FRMD4A: variants seen among roughly 807,000 people sequenced by gnomAD.
The protein encoded by FRMD4A is FERM domain-containing protein 4A.
In FRMD4A, 29 loss-of-function variants were observed where a neutral mutation model predicts 129.1. The ratio of observed to expected loss-of-function variants is 0.22; its 90% CI spans 0.17 to 0.31. The LOEUF is 0.31. Among genes scored for constraint, FRMD4A ranks in the 10% least tolerant of loss-of-function variants. The pLI is 1.00. For synonymous variants in FRMD4A, 634 were observed against 571.6 expected (o/e 1.11, Z -1.56); for missense variants, 1,272 against 1,375.8 (o/e 0.92, Z 1.19).
At chr10:13,926,807 A>G (rs983117048) in intron 2 of FRMD4A, among the ~76,000 whole-genome samples, 1 of 152,232 alleles carries the variant, frequency 6.6e-6, no homozygotes, top group Non-Finnish European at 1.5e-5. Context: ...AAAGACCCAC[A>G]TACTTTTAGA....
intron 2 of FRMD4A, chr10:13,890,346 A>G (rs537085879): frequency 4.1e-4 from 66 of 161,188 alleles, no homozygotes; most frequent in Middle Eastern, 3.2e-3. Flanking sequence ...GGGACAGGTT[A>G]CTGTATCCAG....
chr10:13,758,091 A>G (rs2091934641), intron 8 of FRMD4A, among the ~76,000 whole-genome samples: 1 of 152,224 alleles, frequency 6.6e-6, no homozygotes, highest in African/African-American at 2.4e-5. Flanking sequence ...TTGTACCTCA[A>G]GGAAACTGCT....
At chr10:13,689,207 G>GGGGGGGGGGGGGGGT (rs1564616369) in intron 15 of FRMD4A, among the ~76,000 whole-genome samples, 3 of 9,398 alleles carry the variant, frequency 3.2e-4, no homozygotes, top group Non-Finnish European at 5.7e-4. Context: ...GCGGGGGGGG[G>GGGGGGGGGGGGGGGT]GGGGGGGGGG....
At chr10:13,970,712 T>G (rs1395389624) in intron 2 of FRMD4A, among the ~76,000 whole-genome samples, 1 of 151,892 alleles carries the variant, frequency 6.6e-6, no homozygotes, top group African/African-American at 2.4e-5. Flanking sequence ...CGCCCCCCAC[T>G]CCCCACGCAA....
intron 2 of FRMD4A, among the ~76,000 whole-genome samples, chr10:14,049,315 T>C (rs1309006553): frequency 1.3e-5 from 2 of 152,078 alleles, no homozygotes; most frequent in Non-Finnish European, 2.9e-5. Context: ...TGTAAGTAAT[T>C]AATGGTGAGG....
chr10:13,891,821 C>G (rs1041723647), intron 2 of FRMD4A: 1 of 805,608 alleles, frequency 1.2e-6, no homozygotes. Flanking sequence ...ATAGCCCGCT[C>G]GCGCCTCTCG....
intron 2 of FRMD4A, among the ~76,000 whole-genome samples, chr10:14,052,236 C>T (rs1457871652): frequency 6.6e-6 from 1 of 152,132 alleles, no homozygotes; most frequent in Admixed American, 6.5e-5. Context: ...GACTTTCAGC[C>T]TCCAGAACTG....
At chr10:14,286,107 T>G (rs915140055) in intron 2 of FRMD4A, among the ~76,000 whole-genome samples, 1 of 152,254 alleles carries the variant, frequency 6.6e-6, no homozygotes, top group Admixed American at 6.5e-5. Flanking sequence ...TTACTTATTC[T>G]GATTTCCAAA....
intron 3 of FRMD4A, among the ~76,000 whole-genome samples, chr10:13,820,391 G>A (rs1193305579): frequency 6.6e-6 from 1 of 152,172 alleles, no homozygotes; most frequent in Non-Finnish European, 1.5e-5. Context: ...GGCACTCTGG[G>A]CTGGGAAGGC....
At chr10:14,318,321 C>A (rs544953935) in intron 2 of FRMD4A, among the ~76,000 whole-genome samples, 1 of 148,714 alleles carries the variant, frequency 6.7e-6, no homozygotes, top group Non-Finnish European at 1.5e-5. Flanking sequence ...AGCTATATCC[C>A]CCCCCACCTT....
rs1194183025 is a variant in FRMD4A at position 13,844,289 on chromosome 10, C to T, written c.111+14558G>A. 3.3e-5 allele frequency among the ~76,000 whole-genome samples: 5 copies of T among 152,206 alleles called. No homozygotes were observed. The East Asian group carries it at 9.6e-4, about 29-fold the overall frequency. ...AAACCAATGTTTAATGTTAATCTCC[C>T]AAAGGTGAGTGAAAATCGGTGATTT... On this transcript the variant is annotated intron_variant, in intron 3 of 24. Coordinates refer to ENST00000357447, the MANE Select transcript of FRMD4A (RefSeq NM_018027.5).
chr10:13,730,562 T>G lies in FRMD4A; in HGVS notation c.759+7282A>C, dbSNP rs148164691. Among the ~76,000 whole-genome samples, 148 of 152,256 alleles carry G rather than the reference T, an allele frequency of 9.7e-4. 1 individual carries two copies. In the East Asian group the frequency reaches 0.021, roughly 22 times the overall value. On this transcript the variant is annotated intron_variant, in intron 12 of 24. Transcript: ENST00000357447. ...TACCTCCGGTGCCTAAATGCCAACC[T>G]GACACTGTCTCATTGTCTCCTGAGC...
rs550408638 is a variant in FRMD4A, at chr10:14,292,633, A to G, written c.45+37425T>C. On this transcript the variant is annotated intron_variant, in intron 2 of 24. Coordinates refer to ENST00000357447, the MANE Select transcript of FRMD4A (RefSeq NM_018027.5). ...GCTAACATGGTGAAACCCTGTCTCT[A>G]CTAAAAAATACAAAAAATTAGCTGG... Among the ~76,000 whole-genome samples the G allele has an allele frequency of 5.3e-4, 80 of 152,262 alleles. 1 individual carries two copies. The highest frequency in any genetic ancestry group is 1.9e-3 in the African/African-American group (79 of 41,560).
At chr10:13,935,127 C>T (rs1025378140) in intron 2 of FRMD4A, among the ~76,000 whole-genome samples, 1 of 152,084 alleles carries the variant, frequency 6.6e-6, no homozygotes, top group African/African-American at 2.4e-5. Context: ...ATTAGAGCAG[C>T]AGTCCTCATT....
intron 2 of FRMD4A, among the ~76,000 whole-genome samples, chr10:13,914,872 C>T (rs866555973): frequency 2.2e-4 from 34 of 152,000 alleles, no homozygotes; most frequent in African/African-American, 7.7e-4. Context: ...AAAAAATTTG[C>T]GCATGGCAGC....
chr10:14,157,947 A>C (rs1170202194), intron 2 of FRMD4A, among the ~76,000 whole-genome samples: 1 of 152,202 alleles, frequency 6.6e-6, no homozygotes, highest in Non-Finnish European at 1.5e-5. Flanking sequence ...CAGACAAGGA[A>C]AAGGGCAGAA....
intron 2 of FRMD4A, among the ~76,000 whole-genome samples, chr10:14,113,760 A>G (rs1291947854): frequency 6.6e-6 from 1 of 152,136 alleles, no homozygotes; most frequent in African/African-American, 2.4e-5. Context: ...CTATTTGGAA[A>G]TGCATGAGTG....
At chr10:14,142,717 A>G (rs1437464621) in intron 2 of FRMD4A, among the ~76,000 whole-genome samples, 1 of 152,244 alleles carries the variant, frequency 6.6e-6, no homozygotes, top group Non-Finnish European at 1.5e-5. Flanking sequence ...ATAGTATTTC[A>G]ATGGGTAGAA....
intron 2 of FRMD4A, among the ~76,000 whole-genome samples, chr10:14,270,919 T>A (rs189989662): frequency 3.3e-5 from 5 of 152,324 alleles, no homozygotes; most frequent in Non-Finnish European, 1.5e-5. Context: ...CACTTGAGAC[T>A]GGGTAATTTA....
Sources: allele counts gnomAD v4.1 joint callset (sites outside exome capture counted in the v4.1 genomes callset), GRCh38; gene constraint gnomAD v4.1.1; transcripts MANE v1.5; gene names NCBI Gene and HGNC (gene_info 2026-07-23, HGNC 2026-07-21).